IQSEC1: variants seen among roughly 807,000 people sequenced by gnomAD.
IQSEC1 encodes IQ motif and Sec7 domain ArfGEF 1, also known as IQ motif and SEC7 domain-containing protein 1.
A neutral mutation model predicts 91.0 loss-of-function variants in IQSEC1; 31 were observed. The ratio of observed to expected loss-of-function variants is 0.34; its 90% CI spans 0.26 to 0.46. The LOEUF is 0.46. IQSEC1 is among the 20% of genes least tolerant of loss of function. The pLI is 1.00. For missense variants in IQSEC1, 1,388 were observed against 1,575.6 expected (o/e 0.88, Z 2.02); for synonymous variants, 699 against 662.6 (o/e 1.05, Z -0.84).
At chr3:13,217,156 A>G (rs1236005611) in intron 1 of IQSEC1, among the ~76,000 whole-genome samples, 1 of 152,186 alleles carries the variant, frequency 6.6e-6, no homozygotes, top group Non-Finnish European at 1.5e-5. Context: ...GTTTTGTTTT[A>G]CAATTCAATG....
intron 1 of IQSEC1, among the ~76,000 whole-genome samples, chr3:13,263,114 GTGGTACATGCA>G (rs1176257343): frequency 6.6e-6 from 1 of 152,164 alleles, no homozygotes; most frequent in Non-Finnish European, 1.5e-5. Flanking sequence ...ACTGGGTGCA[GTGGTACATGCA>G]TGTATTCCCT....
chr3:13,043,691 A>G (rs943905835), intron 1 of IQSEC1, among the ~76,000 whole-genome samples: 6 of 152,130 alleles, frequency 3.9e-5, no homozygotes, highest in Admixed American at 3.9e-4. Flanking sequence ...CAGGGGCCAC[A>G]TCTCTTTTAA....
intron 2 of IQSEC1, among the ~76,000 whole-genome samples, chr3:13,124,572 C>G (rs948461853): frequency 6.6e-6 from 1 of 152,186 alleles, no homozygotes; most frequent in Non-Finnish European, 1.5e-5. Context: ...GGCACTGCCC[C>G]CTTCCACACA....
rs1427463845 is a variant in IQSEC1 at position 13,103,976 on chromosome 3, T to C, written c.303-56454A>G. Reference sequence around the variant, plus strand: ...GGGTGCTACTAGTATCTTCATTTTATAGATGGGAAAACTCAGGCACAGAGA... The same window carrying C: ...GGGTGCTACTAGTATCTTCATTTTACAGATGGGAAAACTCAGGCACAGAGA... On this transcript the variant is annotated intron_variant, in intron 2 of 15. Coordinates refer to the IQSEC1 transcript ENST00000648114. This position sits in a 1 kb window ranked among gnomAD's most constrained non-coding sequence, Gnocchi z 4.1. Among the ~76,000 whole-genome samples the C allele has an allele frequency of 1.3e-5, 2 of 152,198 alleles. No homozygotes were observed. The highest frequency in any genetic ancestry group is 4.8e-5 in the African/African-American group (2 of 41,440).
At chr3:13,142,945 CCT>C (rs1227698746) in intron 2 of IQSEC1, among the ~76,000 whole-genome samples, 1 of 152,202 alleles carries the variant, frequency 6.6e-6, no homozygotes, top group Non-Finnish European at 1.5e-5. Flanking sequence ...ACACTGTTCC[CCT>C]GTGTGCCACA....
chr3:12,921,110 C>T (rs1011921627), intron 5 of IQSEC1, among the ~76,000 whole-genome samples: 1 of 152,132 alleles, frequency 6.6e-6, no homozygotes, highest in Non-Finnish European at 1.5e-5. Context: ...GCAAGAACAC[C>T]CCCCTGCCTT....
At chr3:13,221,370 G>A (rs543866017) in intron 1 of IQSEC1, among the ~76,000 whole-genome samples, 16 of 152,288 alleles carry the variant, frequency 1.1e-4, no homozygotes, top group South Asian at 2.1e-4. Context: ...ATGTCCCTGC[G>A]GTAGGAGCCA....
chr3:13,079,220 T>C (rs1269721857), intron 2 of IQSEC1, among the ~76,000 whole-genome samples: 1 of 152,210 alleles, frequency 6.6e-6, no homozygotes, highest in Non-Finnish European at 1.5e-5. Context: ...CATAGGCCAC[T>C]GGCTGCCTGG....
At chr3:13,185,527 G>A (rs1693915947) in intron 1 of IQSEC1, among the ~76,000 whole-genome samples, 1 of 152,212 alleles carries the variant, frequency 6.6e-6, no homozygotes, top group African/African-American at 2.4e-5. Flanking sequence ...TCAGTGTGAA[G>A]GCATAAAGCG....
chr3:13,019,074 C>A (rs551476548), intron 1 of IQSEC1, among the ~76,000 whole-genome samples: 2 of 152,260 alleles, frequency 1.3e-5, no homozygotes, highest in South Asian at 2.1e-4. Context: ...ATGGCTCCCC[C>A]CCAACTCTAC....
At chr3:13,243,260 C>T (rs1695050446) in intron 1 of IQSEC1, among the ~76,000 whole-genome samples, 1 of 152,146 alleles carries the variant, frequency 6.6e-6, no homozygotes, top group African/African-American at 2.4e-5. Flanking sequence ...GCTTCTGACC[C>T]TCTGTGGTGT....
chr3:13,078,155 C>T (rs1438546623), upstream of IQSEC1, among the ~76,000 whole-genome samples: 5 of 152,120 alleles, frequency 3.3e-5, no homozygotes, highest in East Asian at 5.8e-4. Context: ...TGAGATGCTT[C>T]GGCTGCTGCA....
chr3:13,042,659 CA>C (rs761721683), intron 1 of IQSEC1, among the ~76,000 whole-genome samples: 1 of 152,218 alleles, frequency 6.6e-6, no homozygotes. Flanking sequence ...CCCTGGGACA[CA>C]CCAAGGCAGC....
At chr3:13,222,735 C>A (rs1694686467) in intron 1 of IQSEC1, among the ~76,000 whole-genome samples, 1 of 152,198 alleles carries the variant, frequency 6.6e-6, no homozygotes, top group Non-Finnish European at 1.5e-5. Flanking sequence ...GATCACGTTT[C>A]TTCCCCACCG....
intron 1 of IQSEC1, among the ~76,000 whole-genome samples, chr3:13,069,150 T>C (rs969498211): frequency 6.6e-6 from 1 of 152,174 alleles, no homozygotes; most frequent in African/African-American, 2.4e-5. Context: ...GTGTGGGTCA[T>C]TCATAATAAC....
intron 1 of IQSEC1, among the ~76,000 whole-genome samples, chr3:12,972,783 G>A (rs1700969532): frequency 6.6e-6 from 1 of 152,144 alleles, no homozygotes; most frequent in Non-Finnish European, 1.5e-5. Context: ...ACCCAGCCTG[G>A]ACAATACAGC....
rs185241288 is a variant in IQSEC1, at chr3:12,983,154, G to T, written c.24-41289C>A. On this transcript the variant is annotated intron_variant, in intron 1 of 13. Transcript: ENST00000613206. The surrounding 1 kb of genome is among the most constrained non-coding windows in gnomAD (Gnocchi z 4.3). ...ACAGGGACTTTATGGCCAGCATTCCGCTGGCCCCAGCTGCATAATCCAGAT... is the reference window on the plus strand; with the variant it reads ...ACAGGGACTTTATGGCCAGCATTCCTCTGGCCCCAGCTGCATAATCCAGAT... 2.2e-3 allele frequency among the ~76,000 whole-genome samples: 340 copies of T among 152,270 alleles called. 3 individuals are homozygous for T. Among genetic ancestry groups the T allele is most frequent in the African/African-American group, 7.9e-3 (329 of 41,536 alleles).
intron 1 of IQSEC1, among the ~76,000 whole-genome samples, chr3:13,266,780 G>A (rs1188681947): frequency 2.0e-5 from 3 of 152,058 alleles, no homozygotes; most frequent in African/African-American, 4.8e-5. Flanking sequence ...GGGGCTCACC[G>A]TCCTCCCTAA....
chr3:12,953,091 G>A (rs1193729644), intron 1 of IQSEC1, among the ~76,000 whole-genome samples: 1 of 152,208 alleles, frequency 6.6e-6, no homozygotes, highest in Non-Finnish European at 1.5e-5. Context: ...TCAGTAAGGT[G>A]GGGCTCAGCC....
Sources: allele counts gnomAD v4.1 joint callset (sites outside exome capture counted in the v4.1 genomes callset), GRCh38; gene constraint gnomAD v4.1.1; non-coding constraint Gnocchi (gnomAD v3.1); transcripts MANE v1.5; gene names NCBI Gene and HGNC (gene_info 2026-07-23, HGNC 2026-07-21).